Variants in NUBP1 observed in about 807,000 individuals in gnomAD.
NUBP1 encodes the protein NUBP iron-sulfur cluster assembly factor 1, cytosolic.
In NUBP1, 46 loss-of-function variants were observed where a neutral mutation model predicts 41.8. The ratio of observed to expected loss-of-function variants is 1.10; its 90% CI spans 0.87 to 1.41. The LOEUF is 1.41. Ranked by LOEUF, NUBP1 falls within the 40% of genes most tolerant of loss-of-function variation. NUBP1 has a pLI of 0.00. For missense variants in NUBP1, 494 were observed against 414.0 expected (o/e 1.19, Z -1.68); for synonymous variants, 189 against 154.6 (o/e 1.22, Z -1.65).
chr16:10,768,784 C>T lies in NUBP1; in HGVS notation c.905-263C>T. 1 of 390,296 alleles carries T rather than the reference C, an allele frequency of 2.6e-6. No homozygotes were observed. The highest frequency in any genetic ancestry group is 4.6e-6 in the Non-Finnish European group (1 of 219,160). 24.2% of individuals were successfully genotyped at this position (390,296 alleles called of 1,614,324 possible). The stretch of plus-strand genomic sequence containing the variant: ...TTTTACTTGCCTAGAAGAATGATGT[C>T]AAGGGTAAGGAAACAGCATTCCCAG... On this transcript the variant is annotated intron_variant, in intron 10 of 10. Transcript: ENST00000283027. The surrounding 1 kb of genome is among the most constrained non-coding windows in gnomAD (Gnocchi z 4.3).
Position 10,767,107 on chromosome 16 carries a change from C to T in NUBP1, c.821-842C>T, listed in dbSNP as rs148797879. The T allele has an allele frequency of 4.4e-3, 1,745 of 398,736 alleles. 8 individuals carry two copies. The highest frequency in any genetic ancestry group is 6.7e-3 in the Non-Finnish European group (1,505 of 226,166). 24.7% of individuals were successfully genotyped at this position (398,736 alleles called of 1,614,324 possible). On this transcript the variant is annotated intron_variant, in intron 9 of 10. Coordinates refer to ENST00000283027, the MANE Select transcript of NUBP1 (RefSeq NM_002484.4). The surrounding 1 kb of genome is among the most constrained non-coding windows in gnomAD (Gnocchi z 4.6). ...CTGGGGTTCACCTGAGGCTGGTGACCGGCCATGGGCAGTGCAGTCACTTGC... is the reference window on the plus strand; with the variant it reads ...CTGGGGTTCACCTGAGGCTGGTGACTGGCCATGGGCAGTGCAGTCACTTGC...
intron 3 of NUBP1, among the ~76,000 whole-genome samples, chr16:10,748,530 C>T (rs939225247): frequency 5.3e-5 from 8 of 152,186 alleles, no homozygotes; most frequent in Admixed American, 2.0e-4. Flanking sequence ...GCTCCATCTA[C>T]ACCACTGCTG....
chr16:10,762,025 G>C (rs2029994361), intron 9 of NUBP1, 166 bp downstream of exon 9: 4 of 574,864 alleles, frequency 7.0e-6, no homozygotes, highest in South Asian at 6.5e-5. Flanking sequence ...AGGCCACCGG[G>C]AGAGAGGCCG....
intron 3 of NUBP1, 25 bp downstream of exon 3, chr16:10,747,301 G>A (rs1231810726): frequency 6.2e-7 from 1 of 1,609,934 alleles, no homozygotes; most frequent in South Asian, 1.1e-5. Flanking sequence ...ACCACTGGGA[G>A]ATGCTCATTT....
At chr16:10,758,127 C>A in intron 7 of NUBP1, 100 bp downstream of exon 7, 1 of 1,378,368 alleles carries the variant, frequency 7.3e-7, no homozygotes, top group South Asian at 1.3e-5. Flanking sequence ...CAAGGCTCTT[C>A]CCAGTGTGTG....
chr16:10,755,236 G>A (rs1207880137), intron 4 of NUBP1, among the ~76,000 whole-genome samples: 3 of 152,150 alleles, frequency 2.0e-5, no homozygotes, highest in Non-Finnish European at 4.4e-5. Context: ...ACCTGCTGGG[G>A]GGAAGAGGTC....
chr16:10,753,270 T>G (rs1043407439), intron 4 of NUBP1, among the ~76,000 whole-genome samples: 1 of 152,102 alleles, frequency 6.6e-6, no homozygotes, highest in Non-Finnish European at 1.5e-5. Flanking sequence ...AAACAGCCAG[T>G]GAAATGCAGA....
chr16:10,769,247 AG>A lies in NUBP1; in HGVS notation c.*143del. ...TGGTGTGGTCCGAAGCCACTTTCTC[AG>A]AGACACTTTAATCATTGAGTATTTG... is the stretch of plus-strand genomic sequence containing the variant. On this transcript the variant is annotated 3_prime_UTR_variant, in exon 11 of 11. Transcript: ENST00000283027. 1.5e-6 allele frequency: 1 copy of A among 651,568 alleles called. No individual in the cohort carries two copies. The highest frequency in any genetic ancestry group is 1.8e-5 in the South Asian group (1 of 54,116). 40.4% of individuals were successfully genotyped at this position (651,568 alleles called of 1,614,324 possible). A position where few individuals can be genotyped will look rare whatever the true frequency, so the allele number is the denominator to read the frequency against.
intron 9 of NUBP1, among the ~76,000 whole-genome samples, chr16:10,764,671 C>A (rs2030586278): frequency 6.6e-6 from 1 of 151,262 alleles, no homozygotes; most frequent in African/African-American, 2.4e-5. Context: ...ATTGGAGCAT[C>A]TCAGTCTGCT....
Position 10,761,399 on chromosome 16 carries a change from C to T in NUBP1, c.642C>T (p.Asn214=). 1 of 1,614,150 alleles carries T rather than the reference C, an allele frequency of 6.2e-7. No homozygotes were observed. The highest frequency in any genetic ancestry group is 8.5e-7 in the Non-Finnish European group (1 of 1,179,998). Residue 214 remains asparagine, a synonymous_variant, in exon 8 of 11, where the codon AAC becomes AAT. Transcript: ENST00000283027. ...TCCAGGATGTCCGGAAAGAAATCAA[C>T]TTCTGCCGCAAGGTGAAGCTGCCCA... ...VSLQDVRKEI[N]FCRKVKLPII...
Position 10,757,627 on chromosome 16 carries a change from C to G in NUBP1, c.452-246C>G, listed in dbSNP as rs1177277675. ...GCAATTCACTCCCAGTTGAGAGCCA[C>G]TGACTTACAGCATAGACCAAAGGCA... On this transcript the variant is annotated intron_variant, in intron 6 of 10. Coordinates refer to ENST00000283027, the MANE Select transcript of NUBP1 (RefSeq NM_002484.4). This position sits in a 1 kb window ranked among gnomAD's most constrained non-coding sequence, Gnocchi z 4.1. Among the ~76,000 whole-genome samples the G allele has an allele frequency of 6.6e-6, 1 of 152,158 alleles. No homozygotes were observed. The highest frequency in any genetic ancestry group is 1.5e-5 in the Non-Finnish European group (1 of 68,034).
intron 4 of NUBP1, among the ~76,000 whole-genome samples, chr16:10,754,219 T>G (rs1388437584): frequency 6.7e-6 from 1 of 150,168 alleles, no homozygotes; most frequent in East Asian, 1.9e-4. Flanking sequence ...GTGGGGTTTA[T>G]TTTATTTTAT....
At chr16:10,755,080 C>T (rs1196643146) in intron 4 of NUBP1, among the ~76,000 whole-genome samples, 2 of 152,166 alleles carry the variant, frequency 1.3e-5, no homozygotes, top group East Asian at 3.8e-4. Context: ...GTGGTGATGG[C>T]TGCATGCTTG....
intron 3 of NUBP1, among the ~76,000 whole-genome samples, chr16:10,750,949 C>T (rs957430100): frequency 8.5e-5 from 13 of 152,172 alleles, no homozygotes; most frequent in African/African-American, 2.9e-4. Flanking sequence ...GCGCATTGCT[C>T]TCAGCTTTGC....
intron 9 of NUBP1, 192 bp downstream of exon 9, chr16:10,762,051 G>C (rs571176690): frequency 1.3e-5 from 7 of 532,256 alleles, no homozygotes; most frequent in Admixed American, 1.3e-4. Flanking sequence ...CCTGCGGGCA[G>C]GTAGCGGGAG....
intron 7 of NUBP1, among the ~76,000 whole-genome samples, chr16:10,758,430 G>A (rs1157450302): frequency 6.6e-6 from 1 of 152,174 alleles, no homozygotes; most frequent in Non-Finnish European, 1.5e-5. Context: ...CCATGATCAC[G>A]CCAGTGCAGT....
chr16:10,756,069 G>C (rs1292956610), intron 5 of NUBP1, among the ~76,000 whole-genome samples: 1 of 152,214 alleles, frequency 6.6e-6, no homozygotes, highest in East Asian at 1.9e-4. Context: ...TCCATAGTTT[G>C]TAAATCTCTG....
intron 3 of NUBP1, among the ~76,000 whole-genome samples, 168 bp downstream of exon 3, chr16:10,747,444 G>A (rs1040747209): frequency 2.6e-5 from 4 of 152,250 alleles, no homozygotes; most frequent in African/African-American, 9.6e-5. Flanking sequence ...GATCAGCCTG[G>A]CCAACATGGC....
At chr16:10,764,442 C>T (rs1627562) in intron 9 of NUBP1, among the ~76,000 whole-genome samples, 2 of 128,446 alleles carry the variant, frequency 1.6e-5, no homozygotes, top group Admixed American at 8.4e-5. Context: ...CTGGAGTATG[C>T]CAGTGTGTTG....
Sources: gnomAD v4.1 joint callset for allele counts (sites outside exome capture counted in the v4.1 genomes callset) on GRCh38, gnomAD v4.1.1 for gene constraint, Gnocchi (gnomAD v3.1) non-coding constraint, MANE v1.5 for transcripts, NCBI Gene and HGNC (gene_info 2026-07-23, HGNC 2026-07-21) for gene names.